The following CLYBL variants were observed in gnomAD, a reference collection of about 807,000 sequenced individuals.
CLYBL encodes citramalyl-CoA lyase.
CLYBL carries 31 observed loss-of-function variants against 38.9 expected under a neutral mutation model. That is an observed-to-expected ratio of 0.80 (90% CI 0.60 to 1.08). CLYBL has a LOEUF of 1.08. Ranked by LOEUF, CLYBL falls within the 50% of genes least tolerant of loss-of-function variation. The pLI is 0.00. For missense variants in CLYBL, 434 were observed against 411.6 expected, an observed-to-expected ratio of 1.05 and a Z score of -0.47; for synonymous variants, 171 against 158.6, an observed-to-expected ratio of 1.08 and a Z score of -0.59.
intron 8 of CLYBL, among the ~76,000 whole-genome samples, chr13:99,902,689 G>A (rs147948023): frequency 7.4e-4 from 112 of 152,232 alleles, no homozygotes; most frequent in East Asian, 2.7e-3. Flanking sequence ...TCAACAAAAC[G>A]AAGACCTAAG....
downstream of CLYBL, chr13:99,893,846 C>T (rs1422784012): frequency 1.3e-5 from 2 of 152,476 alleles, no homozygotes; most frequent in Non-Finnish European, 2.9e-5. Flanking sequence ...CACTCCCAGG[C>T]CACGGGTTCC....
intron 7 of CLYBL, among the ~76,000 whole-genome samples, chr13:99,880,075 T>A (rs1451558404): frequency 7.6e-5 from 11 of 144,790 alleles, no homozygotes; most frequent in Non-Finnish European, 1.1e-4. Context: ...TATATTTTTT[T>A]TTTTTTTTTT....
intron 2 of CLYBL, among the ~76,000 whole-genome samples, chr13:99,838,829 C>T (rs1235575581): frequency 6.6e-6 from 1 of 152,034 alleles, no homozygotes; most frequent in Non-Finnish European, 1.5e-5. Context: ...TTAGTAGAGA[C>T]AGGGTTTCAC....
In CLYBL at chr13:99,606,722, G is replaced by C. The variant is rs772081319; in HGVS notation, c.27G>C (p.Ala9=). 3 of 1,491,764 alleles carry C rather than the reference G, an allele frequency of 2.0e-6. No individual in the cohort carries two copies. Among genetic ancestry groups the C allele is most frequent in the Non-Finnish European group, 8.9e-7 (1 of 1,127,228 alleles). The allele number at this position is 1,491,764 out of a possible 1,614,324, so 92.4% of individuals were successfully genotyped here. A position where few individuals can be genotyped will look rare whatever the true frequency, so the allele number is the denominator to read the frequency against. The part of the protein sequence containing the change: MALRLLRR[A]ARGAAAAALL... ...TGGCGCTACGTCTGCTGCGGAGGGC[G>C]GCGCGCGGAGCTGCGGCGGCGGCGC... The change falls in exon 1 of 9, where the codon GCG becomes GCC. Residue 9 remains alanine (A), a synonymous_variant. Transcript: ENST00000339105.
chr13:99,608,058 CTTCTTTTTTTT>C (rs2046557604), intron 1 of CLYBL, among the ~76,000 whole-genome samples: 1 of 125,078 alleles, frequency 8.0e-6, no homozygotes, highest in Non-Finnish European at 1.6e-5. Flanking sequence ...TGGTCTGGAA[CTTCTTTTTTTT>C]TTTTTTTTTT....
intron 1 of CLYBL, among the ~76,000 whole-genome samples, chr13:99,608,837 A>G (rs2046574785): frequency 8.3e-6 from 1 of 120,050 alleles, no homozygotes. Context: ...GTTCTATGTA[A>G]GTGATGAGTC....
intron 2 of CLYBL, among the ~76,000 whole-genome samples, chr13:99,785,679 AT>A (rs2049775249): frequency 2.6e-5 from 4 of 151,376 alleles, no homozygotes; most frequent in African/African-American, 9.7e-5. Context: ...TCACTGCAAC[AT>A]CTGCCTCCCA....
chr13:99,845,141 C>T (rs928611129), intron 2 of CLYBL, among the ~76,000 whole-genome samples: 5 of 152,152 alleles, frequency 3.3e-5, no homozygotes, highest in Non-Finnish European at 5.9e-5. Flanking sequence ...GCAGAACTTC[C>T]AGCCCAGGAG....
chr13:99,698,915 T>G (rs2048019443), intron 1 of CLYBL, among the ~76,000 whole-genome samples: 1 of 152,240 alleles, frequency 6.6e-6, no homozygotes, highest in African/African-American at 2.4e-5. Context: ...AGGTTCACAT[T>G]TTATAGCACA....
chr13:99,779,324 G>T (rs971198255), intron 2 of CLYBL, among the ~76,000 whole-genome samples: 2 of 152,034 alleles, frequency 1.3e-5, no homozygotes, highest in African/African-American at 2.4e-5. Flanking sequence ...TGTATTTTTA[G>T]TAGAAATGGG....
intron 1 of CLYBL, among the ~76,000 whole-genome samples, chr13:99,670,732 G>A (rs747606980): frequency 6.6e-6 from 1 of 152,070 alleles, no homozygotes; most frequent in Non-Finnish European, 1.5e-5. Flanking sequence ...TACACCTTCC[G>A]TGGTCCTTTT....
chr13:99,717,193 A>G (rs1013587925), intron 1 of CLYBL, among the ~76,000 whole-genome samples: 1 of 151,686 alleles, frequency 6.6e-6, no homozygotes, highest in Non-Finnish European at 1.5e-5. Context: ...TGGGAGGCTG[A>G]AGCAGGTGGA....
intron 2 of CLYBL, among the ~76,000 whole-genome samples, chr13:99,783,519 C>T (rs979520975): frequency 2.0e-5 from 3 of 149,984 alleles, no homozygotes; most frequent in Non-Finnish European, 4.5e-5. Flanking sequence ...TGCAGTGGTG[C>T]GATCTCAGCT....
In CLYBL at chr13:99,770,232, C is replaced by T. The variant is rs972997568; in HGVS notation, c.63-2592C>T. 3.3e-5 allele frequency among the ~76,000 whole-genome samples: 5 copies of T among 151,908 alleles called. 1 individual carries two copies. The highest frequency in any genetic ancestry group is 4.2e-4 in the South Asian group (2 of 4,810). On this transcript the variant is annotated intron_variant, in intron 1 of 8. Coordinates refer to ENST00000339105, the MANE Select transcript of CLYBL (RefSeq NM_206808.5). The stretch of plus-strand genomic sequence containing the variant: ...CCGCCCAAGTAGCTGGAATTACAGG[C>T]GCCCGCGACTGTGCCCGGCTGATAT...
intron 1 of CLYBL, among the ~76,000 whole-genome samples, chr13:99,652,626 C>T (rs1012575211): frequency 1.3e-5 from 2 of 152,174 alleles, no homozygotes; most frequent in Non-Finnish European, 2.9e-5. Flanking sequence ...AAAAGTAGGA[C>T]CTGTGGGTGC....
chr13:99,720,147 G>T (rs2048373714), intron 1 of CLYBL, among the ~76,000 whole-genome samples: 1 of 149,802 alleles, frequency 6.7e-6, no homozygotes. Flanking sequence ...ATTCTACTTT[G>T]CTTATTTCTT....
At chr13:99,797,210 AAG>A (rs2050039586) in intron 2 of CLYBL, among the ~76,000 whole-genome samples, 1 of 152,206 alleles carries the variant, frequency 6.6e-6, no homozygotes, top group African/African-American at 2.4e-5. Flanking sequence ...ACAGAAATGA[AAG>A]AACTCAAGTC....
chr13:99,623,890 T>C (rs1366257844), intron 1 of CLYBL, among the ~76,000 whole-genome samples: 1 of 140,316 alleles, frequency 7.1e-6, no homozygotes, highest in Non-Finnish European at 1.5e-5. Context: ...ACCTGGGAGG[T>C]GAAGGTTGCA....
chr13:99,710,042 G>A (rs1047983953), intron 1 of CLYBL, among the ~76,000 whole-genome samples: 1 of 149,746 alleles, frequency 6.7e-6, no homozygotes, highest in African/African-American at 2.5e-5. Flanking sequence ...TCCTGCCTCA[G>A]CCTCTCCGAG....
Sources: gnomAD v4.1 joint callset for allele counts (sites outside exome capture counted in the v4.1 genomes callset) on GRCh38, gnomAD v4.1.1 for gene constraint, MANE v1.5 for transcripts, NCBI Gene and HGNC (gene_info 2026-07-23, HGNC 2026-07-21) for gene names.